Variants in RBFOX3 observed in about 807,000 individuals in gnomAD.
RBFOX3 encodes RNA binding fox-1 homolog 3, also known as RNA binding protein fox-1 homolog 3.
A neutral mutation model predicts 48.7 loss-of-function variants in RBFOX3; 17 were observed. The observed-to-expected ratio is 0.35, with a 90% CI of 0.24 to 0.52. The LOEUF (loss-of-function observed/expected upper bound fraction) is 0.52. Among genes scored for constraint, RBFOX3 ranks in the 20% least tolerant of loss-of-function variants. The probability of loss-of-function intolerance (pLI) is 0.94; values close to 1 mark genes in which losing one functional copy is unlikely to be tolerated. For missense variants in RBFOX3, 382 were observed against 497.5 expected, an observed-to-expected ratio of 0.77 and a Z score of 2.21; for synonymous variants, 212 against 209.5, an observed-to-expected ratio of 1.01 and a Z score of -0.10.
At position 79,390,478 on chromosome 17, in the gene RBFOX3, C is replaced by CT. The variant is rs11330992; in HGVS notation, c.-174-82655dup. Among the ~76,000 whole-genome samples the CT allele has an allele frequency of 0.016, 2,327 of 141,268 alleles. 21 individuals are homozygous for CT. Among genetic ancestry groups the CT allele is most frequent in the Middle Eastern group, 0.053 (14 of 264 alleles). The allele number at this position is 141,268 out of a possible 152,430, so 92.7% of individuals were successfully genotyped here. On this transcript the variant is annotated intron_variant, in intron 2 of 14. Coordinates refer to ENST00000693108, the MANE Select transcript of RBFOX3 (RefSeq NM_001350451.2). This position sits in a 1 kb window ranked among gnomAD's most constrained non-coding sequence, Gnocchi z 4.2. The stretch of plus-strand genomic sequence containing the variant: ...TGGAAATACAGTCTTTGCGCCACTG[C>CT]TTTTTTTTTTTTTTTTTAGATGGAG...
chr17:79,576,233 C>T (rs1372232791), intron 1 of RBFOX3, among the ~76,000 whole-genome samples: 4 of 152,178 alleles, frequency 2.6e-5, no homozygotes, highest in Admixed American at 6.5e-5. Flanking sequence ...TCAGACTTGC[C>T]AACACCTGTA....
chr17:79,185,547 C>T (rs2053229095), intron 4 of RBFOX3, among the ~76,000 whole-genome samples: 1 of 152,126 alleles, frequency 6.6e-6, no homozygotes, highest in African/African-American at 2.4e-5. Flanking sequence ...CTTTTGTCTT[C>T]TCTGGGCACC....
At chr17:79,592,914 C>G (rs1599243552) in intron 1 of RBFOX3, among the ~76,000 whole-genome samples, 1 of 152,168 alleles carries the variant, frequency 6.6e-6, no homozygotes, top group East Asian at 1.9e-4. Flanking sequence ...CCTGGCACAC[C>G]CACTACCCCA....
rs139910001 is a variant in RBFOX3 at position 79,141,107 on chromosome 17, T to G, written c.-33-25359A>C. Among the ~76,000 whole-genome samples, 754 of 152,272 alleles carry G rather than the reference T, an allele frequency of 5.0e-3. 8 individuals carry two copies. The highest frequency in any genetic ancestry group is 0.017 in the African/African-American group (723 of 41,552). ...GTGGCAGCTGCCTGGTAAACGGGGATGCACCGTGGCTCACGCGGCTGTCGA... is the reference window on the plus strand; with the variant it reads ...GTGGCAGCTGCCTGGTAAACGGGGAGGCACCGTGGCTCACGCGGCTGTCGA... On this transcript the variant is annotated intron_variant, in intron 4 of 14. Coordinates refer to ENST00000693108, the MANE Select transcript of RBFOX3 (RefSeq NM_001350451.2).
intron 2 of RBFOX3, among the ~76,000 whole-genome samples, chr17:79,422,713 C>T (rs868955070): frequency 1.4e-5 from 2 of 142,540 alleles, no homozygotes; most frequent in Non-Finnish European, 3.1e-5. Flanking sequence ...TCTCCATCAC[C>T]ACCTGTTAGG....
chr17:79,572,890 C>T (rs1460036074), intron 1 of RBFOX3, among the ~76,000 whole-genome samples: 1 of 151,188 alleles, frequency 6.6e-6, no homozygotes, highest in Non-Finnish European at 1.5e-5. Flanking sequence ...TCACCCCATG[C>T]AGGCTTGCCA....
chr17:79,353,551 C>G (rs1290765005), intron 2 of RBFOX3, among the ~76,000 whole-genome samples: 1 of 152,172 alleles, frequency 6.6e-6, no homozygotes, highest in Non-Finnish European at 1.5e-5. Context: ...GCAATACTGC[C>G]CGGAGAAATA....
At chr17:79,484,614 G>A (rs1354216263) in intron 1 of RBFOX3, among the ~76,000 whole-genome samples, 7 of 151,974 alleles carry the variant, frequency 4.6e-5, no homozygotes, top group African/African-American at 1.7e-4. Flanking sequence ...CAGAGGTAGA[G>A]GACTCAGGTG....
At chr17:79,430,825 G>T (rs1407676071) in intron 2 of RBFOX3, among the ~76,000 whole-genome samples, 2 of 152,272 alleles carry the variant, frequency 1.3e-5, no homozygotes, top group South Asian at 4.1e-4. Flanking sequence ...GATTACAGGC[G>T]TGAGCCACCA....
At chr17:79,141,720 T>C (rs576369655) in intron 4 of RBFOX3, among the ~76,000 whole-genome samples, 12 of 152,268 alleles carry the variant, frequency 7.9e-5, no homozygotes, top group Non-Finnish European at 1.3e-4. Flanking sequence ...TCCTCATCTG[T>C]AAAGCAGGCA....
intron 4 of RBFOX3, among the ~76,000 whole-genome samples, chr17:79,221,996 C>A (rs1008051914): frequency 2.6e-5 from 4 of 152,174 alleles, no homozygotes; most frequent in Non-Finnish European, 5.9e-5. Flanking sequence ...AAAACCTCCA[C>A]CAGCCACAAA....
intron 3 of RBFOX3, among the ~76,000 whole-genome samples, chr17:79,248,594 CA>C (rs1034183625): frequency 2.6e-5 from 4 of 152,208 alleles, no homozygotes; most frequent in African/African-American, 7.2e-5. Flanking sequence ...ATTTTTGAAA[CA>C]AAACCAAGAG....
chr17:79,396,600 G>A (rs117763395), intron 2 of RBFOX3, among the ~76,000 whole-genome samples: 4,081 of 152,186 alleles, frequency 0.027, 83 homozygotes, highest in Non-Finnish European at 0.042. Flanking sequence ...AAGTGGGAGG[G>A]CATCCTCACA....
At chr17:79,337,492 T>G (rs2081374637) in intron 2 of RBFOX3, among the ~76,000 whole-genome samples, 1 of 152,160 alleles carries the variant, frequency 6.6e-6, no homozygotes, top group African/African-American at 2.4e-5. Context: ...AAAATGCAGT[T>G]GCGCCGGGCA....
chr17:79,127,346 C>G (rs2612786), intron 4 of RBFOX3, among the ~76,000 whole-genome samples: 73,745 of 151,698 alleles, frequency 0.49, 19,015 homozygotes, highest in Non-Finnish European at 0.6. Context: ...GATAACGCAT[C>G]AACAGGAACG....
chr17:79,553,080 TCTTAA>T (rs2143710226), intron 1 of RBFOX3, among the ~76,000 whole-genome samples: 1 of 152,364 alleles, frequency 6.6e-6, no homozygotes, highest in Non-Finnish European at 1.5e-5. Flanking sequence ...CTTGCTTTTT[TCTTAA>T]CTTCAGTGTT....
chr17:79,166,540 G>C (rs950476189), intron 4 of RBFOX3, among the ~76,000 whole-genome samples: 5 of 152,182 alleles, frequency 3.3e-5, no homozygotes, highest in Non-Finnish European at 5.9e-5. Flanking sequence ...CTTCGGAAGG[G>C]TCCCGAGGGA....
chr17:79,297,573 C>T (rs1428993882), intron 3 of RBFOX3, among the ~76,000 whole-genome samples: 2 of 152,270 alleles, frequency 1.3e-5, no homozygotes, highest in African/African-American at 4.8e-5. Flanking sequence ...GTAGGACAGA[C>T]ACTGGAAATC....
chr17:79,468,836 A>C (rs2076673671), intron 2 of RBFOX3, among the ~76,000 whole-genome samples: 1 of 151,700 alleles, frequency 6.6e-6, no homozygotes, highest in South Asian at 2.1e-4. Context: ...GGATGGATGG[A>C]TGGATGGATA....
Sources: allele counts gnomAD v4.1 joint callset (sites outside exome capture counted in the v4.1 genomes callset), GRCh38; gene constraint gnomAD v4.1.1; non-coding constraint Gnocchi (gnomAD v3.1); transcripts MANE v1.5; gene names NCBI Gene and HGNC (gene_info 2026-07-23, HGNC 2026-07-21).